GRIA1: variants seen among roughly 807,000 people sequenced by gnomAD.
The protein encoded by GRIA1 is glutamate ionotropic receptor AMPA type subunit 1, also known as glutamate receptor 1.
GRIA1 carries 31 observed loss-of-function variants against 99.2 expected under a neutral mutation model. That is an observed-to-expected ratio of 0.31 (90% CI 0.23 to 0.42). The LOEUF (loss-of-function observed/expected upper bound fraction) is 0.42. Ranked by LOEUF, GRIA1 falls within the 10% of genes least tolerant of loss-of-function variation. The pLI is 1.00. For synonymous variants in GRIA1, 438 were observed against 432.4 expected, an observed-to-expected ratio of 1.01 and a Z score of -0.16; for missense variants, 782 against 1,157.5, an observed-to-expected ratio of 0.68 and a Z score of 4.71.
chr5:153,562,480 A>C (rs1206286930), intron 2 of GRIA1, among the ~76,000 whole-genome samples: 4 of 152,188 alleles, frequency 2.6e-5, no homozygotes, highest in Non-Finnish European at 4.4e-5. Flanking sequence ...TGCAAGATGC[A>C]TTCTCTATCA....
At position 153,705,690 on chromosome 5, in the gene GRIA1, T is replaced by TG; in HGVS notation, c.1453-7_1453-6insG. 1 of 1,283,636 alleles carries TG rather than the reference T, an allele frequency of 7.8e-7. No individual in the cohort carries two copies. Among genetic ancestry groups the TG allele is most frequent in the Non-Finnish European group, 9.9e-7 (1 of 1,010,272 alleles). 79.5% of individuals were successfully genotyped at this position (1,283,636 alleles called of 1,614,324 possible). On this transcript the variant is annotated splice_polypyrimidine_tract_variant and splice_region_variant and intron_variant, in intron 10 of 15. Transcript: ENST00000285900. Reference sequence around the variant, plus strand: ...TTTTTTTTTTTTTTTTTTTTTTTTTTTTTCAGAGAGCAGATGTGGCTGTGG... The same window carrying TG: ...TTTTTTTTTTTTTTTTTTTTTTTTTTGTTTCAGAGAGCAGATGTGGCTGTGG...
intron 2 of GRIA1, among the ~76,000 whole-genome samples, chr5:153,624,664 A>T (rs972927653): frequency 4.6e-5 from 7 of 152,110 alleles, no homozygotes; most frequent in African/African-American, 1.7e-4. Flanking sequence ...AAACCTCAAC[A>T]GGGGGGAAAA....
At chr5:153,624,300 C>T (rs1211443207) in intron 2 of GRIA1, among the ~76,000 whole-genome samples, 1 of 152,236 alleles carries the variant, frequency 6.6e-6, no homozygotes, top group African/African-American at 2.4e-5. Flanking sequence ...AACCGTGACT[C>T]AGCACAGCAC....
intron 2 of GRIA1, among the ~76,000 whole-genome samples, chr5:153,584,508 G>A (rs1343591773): frequency 1.3e-5 from 2 of 152,142 alleles, no homozygotes; most frequent in East Asian, 1.9e-4. Context: ...CACAGCAGAT[G>A]CATTTAAAGT....
At chr5:153,734,370 T>G (rs1183768867) in intron 11 of GRIA1, among the ~76,000 whole-genome samples, 1 of 152,164 alleles carries the variant, frequency 6.6e-6, no homozygotes, top group Non-Finnish European at 1.5e-5. Flanking sequence ...TTGGAACTAC[T>G]GAATAAAAAA....
In GRIA1 at chr5:153,523,951, G is replaced by C. The variant is rs890722342; in HGVS notation, c.220+29886G>C. ...AAAGTTCTTTGGAGTCTTAGGCAAC[G>C]GTTCTCAAGCTTAATTATACAGGAG... is the stretch of plus-strand genomic sequence containing the variant. On this transcript the variant is annotated intron_variant, in intron 2 of 15. Transcript: ENST00000285900. Among the ~76,000 whole-genome samples the C allele has an allele frequency of 2.6e-5, 4 of 152,156 alleles. No individual in the cohort carries two copies. In the South Asian group the frequency reaches 8.3e-4, roughly 32 times the overall value.
chr5:153,698,276 C>A, intron 9 of GRIA1, 122 bp downstream of exon 9: 1 of 533,038 alleles, frequency 1.9e-6, no homozygotes. Flanking sequence ...ATAAAAGCAG[C>A]AAGTCGAAAA....
At chr5:153,772,983 G>T (rs1161708869) in intron 13 of GRIA1, among the ~76,000 whole-genome samples, 7 of 151,976 alleles carry the variant, frequency 4.6e-5, no homozygotes, top group Non-Finnish European at 1.0e-4. Context: ...TAGTTTCCTG[G>T]AACAAGGTAA....
intron 2 of GRIA1, among the ~76,000 whole-genome samples, chr5:153,645,445 G>C (rs973078600): frequency 6.6e-6 from 1 of 152,106 alleles, no homozygotes; most frequent in East Asian, 1.9e-4. Flanking sequence ...TGCAGCATGG[G>C]CCAAAAGATT....
chr5:153,702,673 G>A (rs886876511), intron 10 of GRIA1, among the ~76,000 whole-genome samples: 1 of 152,294 alleles, frequency 6.6e-6, no homozygotes, highest in South Asian at 2.1e-4. Flanking sequence ...AAATGCAGAT[G>A]TTCACATCTC....
chr5:153,677,001 C>A lies in GRIA1; in HGVS notation c.869C>A (p.Ser290Tyr). ...CTCCATTCCTCCCACTAGTACACCTCTGCGCTCACCTACGATGGGGTGAAG... is the reference window on the plus strand; with the variant it reads ...CTCCATTCCTCCCACTAGTACACCTATGCGCTCACCTACGATGGGGTGAAG... ...RVDWKRPKYT[S>Y]ALTYDGVKVM... The change falls in exon 7 of 16, where the codon TCT becomes TAT. Residue 290 changes from serine to tyrosine, a missense_variant. Coordinates refer to ENST00000285900, the MANE Select transcript of GRIA1 (RefSeq NM_000827.4). 6.7e-7 allele frequency: 1 copy of A among 1,488,790 alleles called. No homozygotes were observed. The highest frequency in any genetic ancestry group is 9.0e-7 in the Non-Finnish European group (1 of 1,109,916). 92.2% of individuals were successfully genotyped at this position (1,488,790 alleles called of 1,614,324 possible).
intron 2 of GRIA1, among the ~76,000 whole-genome samples, chr5:153,508,510 G>T (rs907606627): frequency 6.6e-6 from 1 of 152,044 alleles, no homozygotes; most frequent in Non-Finnish European, 1.5e-5. Flanking sequence ...TCAAAGAACA[G>T]AAAGAAGGCC....
chr5:153,614,035 C>T (rs1003145948), intron 2 of GRIA1, among the ~76,000 whole-genome samples: 2 of 152,184 alleles, frequency 1.3e-5, no homozygotes, highest in Admixed American at 6.5e-5. Flanking sequence ...ACCTGCTTCT[C>T]TCGCTGCTCG....
chr5:153,562,413 G>A (rs1358528084), intron 2 of GRIA1, among the ~76,000 whole-genome samples: 2 of 152,122 alleles, frequency 1.3e-5, no homozygotes, highest in Non-Finnish European at 2.9e-5. Context: ...GAATGGGGAA[G>A]GAGAATCTGT....
intron 5 of GRIA1, among the ~76,000 whole-genome samples, chr5:153,670,468 GTATATAGA>G (rs1471011736): frequency 6.6e-6 from 1 of 151,888 alleles, no homozygotes; most frequent in Non-Finnish European, 1.5e-5. Context: ...AGTAGTAACA[GTATATAGA>G]GCAATGGTCC....
At chr5:153,736,728 C>A (rs1030015891) in intron 11 of GRIA1, among the ~76,000 whole-genome samples, 1 of 152,146 alleles carries the variant, frequency 6.6e-6, no homozygotes, top group Admixed American at 6.5e-5. Context: ...GAAATCAGAT[C>A]GTACCTTTGG....
intron 2 of GRIA1, among the ~76,000 whole-genome samples, chr5:153,587,025 G>T (rs1032708361): frequency 6.6e-6 from 1 of 152,076 alleles, no homozygotes; most frequent in Non-Finnish European, 1.5e-5. Context: ...CTGATTCTTT[G>T]CCTCCTGCAT....
At chr5:153,783,428 G>A (rs1019598102) in intron 13 of GRIA1, among the ~76,000 whole-genome samples, 10 of 152,322 alleles carry the variant, frequency 6.6e-5, no homozygotes, top group Non-Finnish European at 1.2e-4. Flanking sequence ...ACTGTGAGCT[G>A]CAAATGAACT....
chr5:153,769,853 T>C (rs1763756662), intron 12 of GRIA1, among the ~76,000 whole-genome samples: 1 of 152,036 alleles, frequency 6.6e-6, no homozygotes. Context: ...AATAGATAGG[T>C]CCTTTAATGT....
Sources: allele counts gnomAD v4.1 joint callset (sites outside exome capture counted in the v4.1 genomes callset), GRCh38; gene constraint gnomAD v4.1.1; transcripts MANE v1.5; gene names NCBI Gene and HGNC (gene_info 2026-07-23, HGNC 2026-07-21).